Variants in LARP1 observed in about 807,000 individuals in gnomAD.
LARP1 encodes the protein La ribonucleoprotein 1, translational regulator.
A neutral mutation model predicts 122.7 loss-of-function variants in LARP1; 36 were observed. That is an observed-to-expected ratio of 0.29 (90% CI 0.22 to 0.39). The LOEUF (loss-of-function observed/expected upper bound fraction) is 0.39. Among genes scored for constraint, LARP1 ranks in the 10% least tolerant of loss-of-function variants. The pLI is 1.00. For missense variants in LARP1, 1,040 were observed against 1,403.6 expected, an observed-to-expected ratio of 0.74 and a Z score of 4.14; for synonymous variants, 539 against 528.7, an observed-to-expected ratio of 1.02 and a Z score of -0.27.
chr5:154,734,210 G>GAA (rs1277847969), intron 1 of LARP1, among the ~76,000 whole-genome samples: 4 of 151,774 alleles, frequency 2.6e-5, no homozygotes, highest in African/African-American at 9.7e-5. Context: ...GTTAATATGT[G>GAA]AGATAATTCA....
At chr5:154,774,013 G>A (rs977933230) in intron 1 of LARP1, among the ~76,000 whole-genome samples, 1 of 151,606 alleles carries the variant, frequency 6.6e-6, no homozygotes, top group Admixed American at 6.6e-5. Flanking sequence ...TGACAAGAAC[G>A]TCATGCAGGT....
At chr5:154,777,850 A>AT (rs1200755121) in intron 1 of LARP1, among the ~76,000 whole-genome samples, 1 of 152,186 alleles carries the variant, frequency 6.6e-6, no homozygotes, top group Admixed American at 6.5e-5. Context: ...TTAAAAAAAT[A>AT]TATATAATAA....
intron 1 of LARP1, among the ~76,000 whole-genome samples, chr5:154,724,758 C>G (rs1756092442): frequency 6.6e-6 from 1 of 151,878 alleles, no homozygotes; most frequent in Non-Finnish European, 1.5e-5. Flanking sequence ...CTTGAGCTTC[C>G]CAGGCTCAGG....
intron 3 of LARP1, among the ~76,000 whole-genome samples, chr5:154,791,373 C>G (rs954783915): frequency 6.6e-6 from 1 of 152,008 alleles, no homozygotes; most frequent in Non-Finnish European, 1.5e-5. Context: ...ACCATCATGC[C>G]TGGCTAATTT....
Position 154,816,033 on chromosome 5 carries a change from G to C in LARP1, c.*1937G>C, listed in dbSNP as rs564582986. Reference sequence around the variant, plus strand: ...GAGACAGTATCCCAGGCTGACAAGGGCTTGCCCTTTACCTTGGGCACCTTG... The same window carrying C: ...GAGACAGTATCCCAGGCTGACAAGGCCTTGCCCTTTACCTTGGGCACCTTG... On this transcript the variant is annotated 3_prime_UTR_variant, in exon 19 of 19. Transcript: ENST00000518297. 1 of 152,588 alleles carries C rather than the reference G, an allele frequency of 6.6e-6. No individual in the cohort carries two copies. Among genetic ancestry groups the C allele is most frequent in the African/African-American group, 2.4e-5 (1 of 41,574 alleles). The allele number at this position is 152,588 out of a possible 1,614,324, so 9.5% of individuals were successfully genotyped here. A position where few individuals can be genotyped will look rare whatever the true frequency, so the allele number is the denominator to read the frequency against.
upstream of LARP1, among the ~76,000 whole-genome samples, chr5:154,712,590 C>T (rs908154718): frequency 2.6e-5 from 4 of 152,162 alleles, no homozygotes; most frequent in Admixed American, 6.5e-5. Context: ...TTCCTTTAGC[C>T]CCAGCTTGTT....
chr5:154,757,918 C>G (rs1055444495), intron 1 of LARP1, among the ~76,000 whole-genome samples: 2 of 139,956 alleles, frequency 1.4e-5, no homozygotes, highest in Admixed American at 1.4e-4. Flanking sequence ...CCCTTCCCCC[C>G]TTTCCCTTCC....
At position 154,756,143 on chromosome 5, in the gene LARP1, A is replaced by G; in HGVS notation, c.386A>G (p.Lys129Arg). The G allele has an allele frequency of 7.6e-7, 1 of 1,314,352 alleles. No individual in the cohort carries two copies. Among genetic ancestry groups the G allele is most frequent in the Non-Finnish European group, 1.0e-6 (1 of 998,222 alleles). 81.4% of individuals were successfully genotyped at this position (1,314,352 alleles called of 1,614,324 possible). The change falls in exon 1 of 19, where the codon AAG (lysine) becomes AGG (arginine). Residue 129 changes from lysine to arginine, a missense_variant. This residue lies in a region of LARP1 where 257 missense variants were observed against 273.3 expected (regional missense o/e 0.94). Coordinates refer to ENST00000518297, the MANE Select transcript of LARP1 (RefSeq NM_033551.3). ...CCGCCCAAGGTGAACCCGTGGACTAAGAACGCATTGCCGCCGGTCCTGACC... is the reference window on the plus strand; with the variant it reads ...CCGCCCAAGGTGAACCCGTGGACTAGGAACGCATTGCCGCCGGTCCTGACC... The part of the protein sequence containing the change: ...APPPKVNPWT[K>R]NALPPVLTTV...
chr5:154,698,762 T>C lies in LARP1; in HGVS notation c.-180+15725T>C, dbSNP rs1269783078. On this transcript the variant is annotated intron_variant, in intron 1 of 18. Coordinates refer to the LARP1 transcript ENST00000687700. ...AGGAAATATCTAATTCACCAATGAA[T>C]CTGCCAAGCTAGTTAAATAAATAAA... is the stretch of plus-strand genomic sequence containing the variant. 2.6e-5 allele frequency among the ~76,000 whole-genome samples: 4 copies of C among 152,268 alleles called. No homozygotes were observed. The East Asian group carries it at 7.7e-4, about 29-fold the overall frequency.
At chr5:154,745,544 A>G (rs1036345293) in intron 1 of LARP1, among the ~76,000 whole-genome samples, 1 of 152,194 alleles carries the variant, frequency 6.6e-6, no homozygotes, top group Non-Finnish European at 1.5e-5. Flanking sequence ...TTTTACACAC[A>G]AGAAAACTGA....
chr5:154,792,207 GC>G (rs1205132235), intron 3 of LARP1, among the ~76,000 whole-genome samples: 1 of 152,188 alleles, frequency 6.6e-6, no homozygotes, highest in Admixed American at 6.5e-5. Flanking sequence ...TTTTGTTCTG[GC>G]CAGTGGCTTA....
At position 154,809,287 on chromosome 5, in the gene LARP1, C is replaced by T. The variant is rs187772261; in HGVS notation, c.2843+684C>T. 1.1e-3 allele frequency among the ~76,000 whole-genome samples: 167 copies of T among 150,452 alleles called. 2 individuals carry two copies. In the East Asian group the frequency reaches 0.027, roughly 24 times the overall value. ...CGAGACCAGCCTGGGCTCAAGCGAT[C>T]GTTCTGCCATAGTAAGACCCTGTTT... On this transcript the variant is annotated intron_variant, in intron 16 of 18. Transcript: ENST00000518297.
chr5:154,788,312 G>C (rs1006896027), intron 1 of LARP1, among the ~76,000 whole-genome samples: 2 of 152,204 alleles, frequency 1.3e-5, no homozygotes, highest in South Asian at 4.1e-4. Context: ...TGCACTGGGG[G>C]TGTGGGATGC....
chr5:154,765,946 A>G (rs923484269), intron 1 of LARP1, among the ~76,000 whole-genome samples: 2 of 152,250 alleles, frequency 1.3e-5, no homozygotes, highest in African/African-American at 4.8e-5. Flanking sequence ...CTCAAAATTC[A>G]GTATGGAATA....
At chr5:154,741,910 A>G (rs1485919115) in intron 1 of LARP1, among the ~76,000 whole-genome samples, 2 of 152,212 alleles carry the variant, frequency 1.3e-5, no homozygotes, top group African/African-American at 2.4e-5. Context: ...AATGATACCT[A>G]TGCAAAATGA....
At chr5:154,698,040 A>G (rs760944454) in intron 1 of LARP1, among the ~76,000 whole-genome samples, 1 of 151,824 alleles carries the variant, frequency 6.6e-6, no homozygotes, top group African/African-American at 2.4e-5. Context: ...TTTTTTTTAA[A>G]TTACAAAATA....
Position 154,744,300 on chromosome 5 carries a change from C to G in LARP1, c.205+31170C>G, listed in dbSNP as rs558514722. 8.9e-4 allele frequency among the ~76,000 whole-genome samples: 135 copies of G among 152,264 alleles called. 1 individual carries two copies. The highest frequency in any genetic ancestry group is 1.4e-3 in the Non-Finnish European group (95 of 68,022). On this transcript the variant is annotated intron_variant, in intron 1 of 18. Transcript: ENST00000336314. Reference sequence around the variant, plus strand: ...GAAGGCTTCCCTGACTACCTCATTCCTCCCACTCTCACCTATGACACTCTC... The same window carrying G: ...GAAGGCTTCCCTGACTACCTCATTCGTCCCACTCTCACCTATGACACTCTC...
intron 8 of LARP1, among the ~76,000 whole-genome samples, chr5:154,795,854 AT>A (rs1757715450): frequency 7.5e-6 from 1 of 134,132 alleles, no homozygotes; most frequent in East Asian, 2.0e-4. Flanking sequence ...ATTTATATAT[AT>A]TTTATATACA....
intron 1 of LARP1, among the ~76,000 whole-genome samples, chr5:154,727,055 A>G (rs1294372528): frequency 6.6e-6 from 1 of 152,218 alleles, no homozygotes; most frequent in Non-Finnish European, 1.5e-5. Flanking sequence ...GAGCCAAACC[A>G]TATCAAAAGT....
Sources: allele counts gnomAD v4.1 joint callset (sites outside exome capture counted in the v4.1 genomes callset), GRCh38; gene constraint gnomAD v4.1.1; regional missense constraint gnomAD v4.1.1; transcripts MANE v1.5; gene names NCBI Gene and HGNC (gene_info 2026-07-23, HGNC 2026-07-21).